KHDRBS2: variants seen among roughly 807,000 people sequenced by gnomAD.
KHDRBS2 encodes the protein KH domain-containing, RNA-binding, signal transduction-associated protein 2.
KHDRBS2 carries 26 observed loss-of-function variants against 44.3 expected under a neutral mutation model. The observed-to-expected ratio is 0.59, with a 90% confidence interval of 0.43 to 0.81. The LOEUF (loss-of-function observed/expected upper bound fraction) is 0.81, where lower values mean the gene tolerates loss of function less well. Among genes scored for constraint, KHDRBS2 ranks in the 40% least tolerant of loss-of-function variants. The probability of loss-of-function intolerance (pLI) is 0.00; values close to 1 mark genes in which losing one functional copy is unlikely to be tolerated. For missense variants in KHDRBS2, 476 were observed against 433.1 expected, an observed-to-expected ratio of 1.10 and a Z score of -0.88; for synonymous variants, 194 against 151.1, an observed-to-expected ratio of 1.28 and a Z score of -2.08.
chr6:61,579,513 A>G, the KHDRBS2 span, among the ~76,000 whole-genome samples: 32 of 152,172 alleles, frequency 2.1e-4, no homozygotes, highest in Non-Finnish European at 3.7e-4. Context: ...TTTACTCAGT[A>G]ATGCAGAAGA....
rs933521062 is a variant in KHDRBS2 at position 61,974,934 on chromosome 6, AAAT to A, written c.483+3129_483+3131del. 2.5e-3 allele frequency among the ~76,000 whole-genome samples: 7 copies of A among 2,828 alleles called. No homozygotes were observed. In the East Asian group the frequency reaches 0.15, roughly 59 times the overall value. The allele number at this position is 2,828 out of a possible 152,430, so 1.9% of individuals were successfully genotyped here. A position where few individuals can be genotyped will look rare whatever the true frequency, so the allele number is the denominator to read the frequency against. On this transcript the variant is annotated intron_variant, in intron 4 of 8. Coordinates refer to ENST00000281156, the MANE Select transcript of KHDRBS2 (RefSeq NM_152688.4). ...CGACATAGCAAGACTCCATCTTAAA[AAAT>A]AAATAAATAAATAAATAAATAAATA...
chr6:62,196,834 G>C (rs1244824808), intron 1 of KHDRBS2, among the ~76,000 whole-genome samples: 1 of 151,970 alleles, frequency 6.6e-6, no homozygotes, highest in African/African-American at 2.4e-5. Flanking sequence ...ATGCTGGCTC[G>C]ACATGCTCAC....
At chr6:62,255,034 C>T (rs1462560086) in intron 1 of KHDRBS2, among the ~76,000 whole-genome samples, 2 of 152,054 alleles carry the variant, frequency 1.3e-5, no homozygotes, top group East Asian at 3.9e-4. Context: ...AAGACCATAC[C>T]TGAGAGTTAT....
the KHDRBS2 span, among the ~76,000 whole-genome samples, chr6:61,637,927 G>A: frequency 6.6e-6 from 1 of 152,036 alleles, no homozygotes; most frequent in Non-Finnish European, 1.5e-5. Flanking sequence ...GTAGATTCTG[G>A]ATATTAGCCC....
intron 5 of KHDRBS2, among the ~76,000 whole-genome samples, chr6:61,897,738 TCA>T (rs1803190789): frequency 6.6e-6 from 1 of 150,894 alleles, no homozygotes; most frequent in Non-Finnish European, 1.5e-5. Flanking sequence ...TCTCTCTCAA[TCA>T]CTGTAACTCT....
At chr6:62,143,702 T>TC (rs397822308) in intron 2 of KHDRBS2, among the ~76,000 whole-genome samples, 23 of 149,448 alleles carry the variant, frequency 1.5e-4, no homozygotes, top group African/African-American at 5.7e-4. Flanking sequence ...TTATTTTTTT[T>TC]CTCTATTTCA....
chr6:62,266,268 A>T (rs984549307), intron 1 of KHDRBS2, among the ~76,000 whole-genome samples: 1 of 152,022 alleles, frequency 6.6e-6, no homozygotes, highest in Non-Finnish European at 1.5e-5. Context: ...TTCAGTGCAC[A>T]TCTGTCCACC....
chr6:62,242,446 C>G (rs1350349161), intron 1 of KHDRBS2, among the ~76,000 whole-genome samples: 2 of 152,130 alleles, frequency 1.3e-5, no homozygotes, highest in African/African-American at 2.4e-5. Flanking sequence ...TAGCAGCATC[C>G]CTGGCATCCA....
chr6:61,918,253 G>A (rs916139456), intron 4 of KHDRBS2, among the ~76,000 whole-genome samples: 7 of 151,748 alleles, frequency 4.6e-5, no homozygotes, highest in African/African-American at 1.5e-4. Context: ...TATTCAAAAC[G>A]AAGAACTCCG....
At chr6:61,923,495 T>C (rs1452215898) in intron 4 of KHDRBS2, among the ~76,000 whole-genome samples, 3 of 152,130 alleles carry the variant, frequency 2.0e-5, no homozygotes. Flanking sequence ...ATGGGCTTTA[T>C]CCCAGGAATG....
At chr6:61,658,526 C>T in the KHDRBS2 span, among the ~76,000 whole-genome samples, 1 of 151,840 alleles carries the variant, frequency 6.6e-6, no homozygotes, top group Non-Finnish European at 1.5e-5. Flanking sequence ...CAATATGTTA[C>T]ACATATATTT....
At chr6:61,786,558 A>T (rs1279264508) in intron 6 of KHDRBS2, among the ~76,000 whole-genome samples, 2 of 150,902 alleles carry the variant, frequency 1.3e-5, no homozygotes, top group East Asian at 3.9e-4. Context: ...CTAAATAAAA[A>T]ATTAAAACAA....
At chr6:61,969,133 C>T (rs1168250103) in intron 4 of KHDRBS2, among the ~76,000 whole-genome samples, 1 of 151,892 alleles carries the variant, frequency 6.6e-6, no homozygotes, top group Non-Finnish European at 1.5e-5. Flanking sequence ...GTGAACTGGG[C>T]TTAATGCAAG....
At chr6:61,980,213 T>C (rs552657796) in intron 3 of KHDRBS2, among the ~76,000 whole-genome samples, 70 of 152,326 alleles carry the variant, frequency 4.6e-4, no homozygotes, top group Non-Finnish European at 8.1e-4. Flanking sequence ...AAGATTATTG[T>C]GCAGGAAAGT....
chr6:61,797,489 A>C (rs1445286782), intron 6 of KHDRBS2, among the ~76,000 whole-genome samples: 1 of 152,108 alleles, frequency 6.6e-6, no homozygotes, highest in Admixed American at 6.6e-5. Flanking sequence ...TTTTCATCCC[A>C]AAAACATTTT....
At chr6:61,780,768 A>G (rs1016167074) in intron 6 of KHDRBS2, among the ~76,000 whole-genome samples, 5 of 150,586 alleles carry the variant, frequency 3.3e-5, no homozygotes, top group African/African-American at 9.8e-5. Flanking sequence ...AAAATAGTAA[A>G]CCATTTATAA....
At chr6:62,105,019 T>C (rs1429725965) in intron 2 of KHDRBS2, among the ~76,000 whole-genome samples, 1 of 152,090 alleles carries the variant, frequency 6.6e-6, no homozygotes, top group African/African-American at 2.4e-5. Context: ...CAATGCTGTG[T>C]CTGTAAATTG....
intron 3 of KHDRBS2, among the ~76,000 whole-genome samples, chr6:62,024,265 A>G (rs1000443626): frequency 1.3e-5 from 2 of 151,488 alleles, no homozygotes; most frequent in Non-Finnish European, 3.0e-5. Flanking sequence ...ATCGAAATTT[A>G]GAGATAAAAA....
At chr6:61,619,117 T>G in the KHDRBS2 span, among the ~76,000 whole-genome samples, 13 of 152,010 alleles carry the variant, frequency 8.6e-5, no homozygotes, top group Non-Finnish European at 1.5e-4. Context: ...AAAGTTTAAT[T>G]AAAAATTTTT....
Sources: gnomAD v4.1 joint callset for allele counts (sites outside exome capture counted in the v4.1 genomes callset) on GRCh38, gnomAD v4.1.1 for gene constraint, MANE v1.5 for transcripts, NCBI Gene and HGNC (gene_info 2026-07-23, HGNC 2026-07-21) for gene names.